RIMS3: variants seen among roughly 807,000 people sequenced by gnomAD.
RIMS3 encodes the protein regulating synaptic membrane exocytosis protein 3.
A neutral mutation model predicts 29.2 loss-of-function variants in RIMS3; 15 were observed. That is an observed-to-expected ratio of 0.51 (90% CI 0.34 to 0.79). The LOEUF (loss-of-function observed/expected upper bound fraction) is 0.79. Ranked by LOEUF, RIMS3 falls within the 30% of genes least tolerant of loss-of-function variation. RIMS3 has a pLI of 0.01. For synonymous variants in RIMS3, 161 were observed against 170.1 expected, an observed-to-expected ratio of 0.95 and a Z score of 0.41; for missense variants, 342 against 421.4, an observed-to-expected ratio of 0.81 and a Z score of 1.65.
chr1:40,688,928 C>G, the RIMS3 span, among the ~76,000 whole-genome samples: 3 of 152,192 alleles, frequency 2.0e-5, no homozygotes, highest in African/African-American at 7.2e-5. Flanking sequence ...TCAGGTTCCT[C>G]CCATATGCCC....
chr1:40,682,116 G>A, the RIMS3 span, among the ~76,000 whole-genome samples: 1 of 152,174 alleles, frequency 6.6e-6, no homozygotes, highest in Non-Finnish European at 1.5e-5. Context: ...TTACAGGCAT[G>A]AGCCACCATG....
At chr1:40,678,423 A>C in the RIMS3 span, among the ~76,000 whole-genome samples, 1 of 152,154 alleles carries the variant, frequency 6.6e-6, no homozygotes, top group Admixed American at 6.5e-5. Flanking sequence ...AACAAACAAA[A>C]AAAGGAAGGT....
At chr1:40,634,230 C>T (rs1325794442) in intron 4 of RIMS3, among the ~76,000 whole-genome samples, 2 of 152,122 alleles carry the variant, frequency 1.3e-5, no homozygotes, top group Admixed American at 6.5e-5. Flanking sequence ...GGCCTTGAGT[C>T]CCCCTTGGCT....
intron 5 of RIMS3, 50 bp downstream of exon 5, chr1:40,633,019 T>C (rs1344181428): frequency 1.4e-6 from 2 of 1,446,608 alleles, no homozygotes; most frequent in Non-Finnish European, 1.9e-6. Context: ...TCACCCTTCC[T>C]GTCGCATGGT....
the RIMS3 span, among the ~76,000 whole-genome samples, chr1:40,672,194 ATTTTTTTTT>A: frequency 9.3e-6 from 1 of 106,998 alleles, no homozygotes; most frequent in Non-Finnish European, 1.9e-5. Context: ...TAGCTAGATG[ATTTTTTTTT>A]TTTTTTTTTT....
At chr1:40,675,096 G>A in the RIMS3 span, among the ~76,000 whole-genome samples, 1 of 151,826 alleles carries the variant, frequency 6.6e-6, no homozygotes. Context: ...TTGTCTCTAC[G>A]AAAGGAAAAA....
At chr1:40,686,010 G>A in the RIMS3 span, among the ~76,000 whole-genome samples, 2 of 152,086 alleles carry the variant, frequency 1.3e-5, no homozygotes, top group African/African-American at 4.8e-5. Context: ...TTAGCTGGGT[G>A]TGGTGGTGGG....
At position 40,647,669 on chromosome 1, in the gene RIMS3, G is replaced by C. The variant is rs933949756; in HGVS notation, c.-33C>G. On this transcript the variant is annotated splice_region_variant and 5_prime_UTR_variant, in exon 2 of 8. Coordinates refer to ENST00000372684, the MANE Select transcript of RIMS3 (RefSeq NM_014747.3). ...CACCTGGAAGAAAACCCAACTCACCGAACTGATGAATCTGAGCCTGGTGTT... is the reference window on the plus strand; with the variant it reads ...CACCTGGAAGAAAACCCAACTCACCCAACTGATGAATCTGAGCCTGGTGTT... 2 of 152,134 alleles carry C rather than the reference G, an allele frequency of 1.3e-5. No homozygotes were observed. Among genetic ancestry groups the C allele is most frequent in the Non-Finnish European group, 2.9e-5 (2 of 68,060 alleles). The allele number at this position is 152,134 out of a possible 1,614,324, so 9.4% of individuals were successfully genotyped here. A position where few individuals can be genotyped will look rare whatever the true frequency, so the allele number is the denominator to read the frequency against.
chr1:40,632,423 TATATATATATATA>T (rs1646495006), intron 5 of RIMS3, among the ~76,000 whole-genome samples: 28 of 17,222 alleles, frequency 1.6e-3, no homozygotes, highest in Middle Eastern at 0.038. Flanking sequence ...TAAATTTATA[TATATATATATATA>T]TATATATATA....
At position 40,628,860 on chromosome 1, in the gene RIMS3, A is replaced by G; in HGVS notation, c.664T>C (p.Tyr222His). 6.2e-7 allele frequency: 1 copy of G among 1,614,128 alleles called. No homozygotes were observed. Among genetic ancestry groups the G allele is most frequent in the Non-Finnish European group, 8.5e-7 (1 of 1,180,030 alleles). Residue 222 changes from tyrosine to histidine, a missense_variant, in exon 7 of 8, where the codon TAC becomes CAC. Physicochemically the swap from Tyr to His is moderately conservative, Grantham distance 83. Coordinates refer to ENST00000372684, the MANE Select transcript of RIMS3 (RefSeq NM_014747.3). ...KMTKKTCDPL[Y>H]QQALLFDEGP... ...TCGTCAAAGAGCAGAGCCTGCTGGTACAGGGGATCACAGGTCTTCTTGGTC... is the reference window on the plus strand; with the variant it reads ...TCGTCAAAGAGCAGAGCCTGCTGGTGCAGGGGATCACAGGTCTTCTTGGTC...
upstream of RIMS3, among the ~76,000 whole-genome samples, chr1:40,666,714 C>T (rs1642432315): frequency 6.6e-6 from 1 of 152,146 alleles, no homozygotes; most frequent in Non-Finnish European, 1.5e-5. Flanking sequence ...AGTAGTCTCC[C>T]TGCTGAGGGC....
chr1:40,638,115 A>C (rs1646532321), intron 3 of RIMS3, among the ~76,000 whole-genome samples: 1 of 152,096 alleles, frequency 6.6e-6, no homozygotes, highest in Admixed American at 6.5e-5. Flanking sequence ...GAAATCTTAG[A>C]GATACTTTGG....
At chr1:40,663,014 C>G (rs977326778) in intron 1 of RIMS3, among the ~76,000 whole-genome samples, 25 of 152,166 alleles carry the variant, frequency 1.6e-4, no homozygotes, top group African/African-American at 5.8e-4. Context: ...GCACTTGTTT[C>G]TAACCTCCGC....
At chr1:40,681,939 T>G in the RIMS3 span, among the ~76,000 whole-genome samples, 1 of 152,210 alleles carries the variant, frequency 6.6e-6, no homozygotes, top group Non-Finnish European at 1.5e-5. Flanking sequence ...GTTCAAGTGA[T>G]TTTCCTGCCT....
chr1:40,633,854 A>G (rs1646504434), intron 4 of RIMS3, among the ~76,000 whole-genome samples: 1 of 152,232 alleles, frequency 6.6e-6, no homozygotes, highest in African/African-American at 2.4e-5. Context: ...GCTATTATCC[A>G]GTCTTACAGA....
At chr1:40,651,552 C>T (rs1229863671) in intron 1 of RIMS3, among the ~76,000 whole-genome samples, 1 of 152,154 alleles carries the variant, frequency 6.6e-6, no homozygotes. Context: ...AGGCAATGAA[C>T]ACACTGCTGT....
chr1:40,670,574 T>TTACATATATATA (rs1642479896), upstream of RIMS3, among the ~76,000 whole-genome samples: 2 of 71,190 alleles, frequency 2.8e-5, no homozygotes, highest in East Asian at 8.7e-4. Flanking sequence ...AGTTATAATT[T>TTACATATATATA]TATATATATA....
At chr1:40,678,641 G>T in the RIMS3 span, among the ~76,000 whole-genome samples, 1 of 152,180 alleles carries the variant, frequency 6.6e-6, no homozygotes. Flanking sequence ...AGTTCTAATA[G>T]CTGGGGACAG....
At chr1:40,656,176 G>A (rs1375506129) in intron 1 of RIMS3, among the ~76,000 whole-genome samples, 1 of 152,196 alleles carries the variant, frequency 6.6e-6, no homozygotes, top group Non-Finnish European at 1.5e-5. Context: ...CAAGGCTGAG[G>A]TGAGCCAAGA....
Sources: allele counts gnomAD v4.1 joint callset (sites outside exome capture counted in the v4.1 genomes callset), GRCh38; gene constraint gnomAD v4.1.1; transcripts MANE v1.5; gene names NCBI Gene and HGNC (gene_info 2026-07-23, HGNC 2026-07-21).